Variants in UNK observed in about 807,000 individuals in gnomAD.
UNK encodes unk zinc finger.
In UNK, 32 loss-of-function variants were observed where a neutral mutation model predicts 97.6. The observed-to-expected ratio is 0.33, with a 90% confidence interval of 0.25 to 0.44. UNK has a LOEUF of 0.44. UNK is among the 20% of genes least tolerant of loss of function. UNK has a pLI of 1.00. For missense variants in UNK, 771 were observed against 1,098.4 expected (o/e 0.70, Z 4.21); for synonymous variants, 441 against 461.2 (o/e 0.96, Z 0.56).
rs775154339 is a variant in UNK, at chr17:75,822,525, G to A, written c.1886G>A (p.Ser629Asn). Residue 629 changes from serine to asparagine, a missense_variant, in exon 14 of 16, where the codon AGC (serine) becomes AAC (asparagine). Coordinates refer to ENST00000589666, the MANE Select transcript of UNK (RefSeq NM_001080419.3). ...ATCTGGGAGCATTTTGCCTCTGGAAGCTTCTCCCCGGGCACTTCCCCCGCT... is the reference window on the plus strand; with the variant it reads ...ATCTGGGAGCATTTTGCCTCTGGAAACTTCTCCCCGGGCACTTCCCCCGCT... ...SSIWEHFASG[S>N]FSPGTSPAFL... 6.2e-7 allele frequency: 1 copy of A among 1,613,558 alleles called. No individual in the cohort carries two copies. Among genetic ancestry groups the A allele is most frequent in the East Asian group, 2.2e-5 (1 of 44,896 alleles).
chr17:75,794,483 A>C (rs1226771943), intron 1 of UNK, among the ~76,000 whole-genome samples: 1 of 152,048 alleles, frequency 6.6e-6, no homozygotes, highest in East Asian at 1.9e-4. Flanking sequence ...CTAAAAATAC[A>C]AAAAACTAGC....
At chr17:75,790,567 G>C (rs2061754844) in intron 1 of UNK, among the ~76,000 whole-genome samples, 1 of 152,022 alleles carries the variant, frequency 6.6e-6, no homozygotes, top group South Asian at 2.1e-4. Context: ...GGAGATAGAG[G>C]CTACAGTGAG....
chr17:75,814,416 C>T (rs1165891173), intron 6 of UNK, among the ~76,000 whole-genome samples: 3 of 134,384 alleles, frequency 2.2e-5, no homozygotes, highest in African/African-American at 5.5e-5. Context: ...CGCTTGAACC[C>T]GGGAGGCGGA....
intron 4 of UNK, 124 bp downstream of exon 4, chr17:75,812,709 C>A: frequency 7.3e-7 from 1 of 1,376,250 alleles, no homozygotes; most frequent in South Asian, 1.5e-5. Context: ...CGCATCCCAC[C>A]CTACACCCAC....
Position 75,809,878 on chromosome 17 carries a change from A to C in UNK, c.223A>C (p.Ile75Leu). 6.2e-7 allele frequency: 1 copy of C among 1,613,876 alleles called. No homozygotes were observed. The highest frequency in any genetic ancestry group is 8.5e-7 in the Non-Finnish European group (1 of 1,179,884). ...CGTGAACCAGCGGCGCCGCCGGTCC[A>C]TCCGCCGTCGGGACGGCACCTTCAA... is the stretch of plus-strand genomic sequence containing the variant. ...HFVNQRRRRS[I>L]RRRDGTFNYS... Residue 75 changes from isoleucine to leucine, a missense_variant, in exon 2 of 16, where the codon ATC becomes CTC. Ile to Leu is a conservative substitution (Grantham distance 5). Coordinates refer to ENST00000589666, the MANE Select transcript of UNK (RefSeq NM_001080419.3).
intron 1 of UNK, among the ~76,000 whole-genome samples, chr17:75,800,867 GCTCATTGCTT>G: frequency 6.6e-6 from 1 of 152,056 alleles, no homozygotes; most frequent in Non-Finnish European, 1.5e-5. Context: ...TATATGTGAT[GCTCATTGCTT>G]CTCATTGCTG....
intron 1 of UNK, among the ~76,000 whole-genome samples, chr17:75,805,527 G>T (rs1289863417): frequency 6.6e-6 from 1 of 152,134 alleles, no homozygotes; most frequent in Non-Finnish European, 1.5e-5. Flanking sequence ...AGGTGTGGTG[G>T]CTCACACCTG....
At chr17:75,810,942 G>A (rs1266506127) in intron 2 of UNK, among the ~76,000 whole-genome samples, 1 of 151,008 alleles carries the variant, frequency 6.6e-6, no homozygotes, top group Non-Finnish European at 1.5e-5. Flanking sequence ...GGCTTCAGTT[G>A]ATTTCTTTTT....
chr17:75,811,202 C>T (rs1257390725), intron 2 of UNK, among the ~76,000 whole-genome samples: 4 of 152,182 alleles, frequency 2.6e-5, no homozygotes, highest in Non-Finnish European at 5.9e-5. Context: ...CCACCCGCCT[C>T]GGCCTCCCAC....
Position 75,816,869 on chromosome 17 carries a change from T to C in UNK, c.1061T>C (p.Val354Ala), listed in dbSNP as rs1172636263. 6.2e-7 allele frequency: 1 copy of C among 1,607,162 alleles called. No homozygotes were observed. Among genetic ancestry groups the C allele is most frequent in the Non-Finnish European group, 8.5e-7 (1 of 1,179,410 alleles). ...LYMPSAAGDS[V>A]PVSPSSPHAP... ...ATGCCATCTGCCGCCGGAGACTCGGTGCCTGTGAGCCCCTCCAGCCCGCAT... is the reference window on the plus strand; with the variant it reads ...ATGCCATCTGCCGCCGGAGACTCGGCGCCTGTGAGCCCCTCCAGCCCGCAT... Residue 354 changes from valine to alanine, a missense_variant, in exon 8 of 16, where the codon GTG becomes GCG. Val to Ala is a moderately conservative substitution (Grantham distance 64, BLOSUM62 0). This residue lies in a region of UNK where 192 missense variants were observed against 202.4 expected (regional missense o/e 0.95). Coordinates refer to ENST00000589666, the MANE Select transcript of UNK (RefSeq NM_001080419.3). The surrounding 1 kb of genome is among the most constrained non-coding windows in gnomAD (Gnocchi z 4.0).
chr17:75,788,610 C>T (rs142670798), intron 1 of UNK, among the ~76,000 whole-genome samples: 3,473 of 152,300 alleles, frequency 0.023, 150 homozygotes, highest in African/African-American at 0.079. Context: ...CCTCGGCCTC[C>T]CAAAGTGCTG....
intron 1 of UNK, among the ~76,000 whole-genome samples, chr17:75,790,589 T>C (rs989007214): frequency 3.3e-5 from 5 of 151,188 alleles, no homozygotes; most frequent in Non-Finnish European, 5.9e-5. Flanking sequence ...CAAGATTGTG[T>C]TACTGCACTC....
At chr17:75,804,912 G>A (rs1218183988) in intron 1 of UNK, among the ~76,000 whole-genome samples, 1 of 151,720 alleles carries the variant, frequency 6.6e-6, no homozygotes, top group African/African-American at 2.4e-5. Context: ...TTATATTCTT[G>A]GCCGGGTGCA....
intron 1 of UNK, among the ~76,000 whole-genome samples, chr17:75,805,037 C>T (rs1001245978): frequency 1.1e-4 from 17 of 151,334 alleles, no homozygotes; most frequent in African/African-American, 1.5e-4. Flanking sequence ...AAAAATTAGC[C>T]GGGCGTGGTG....
At chr17:75,810,569 TA>T (rs2061959721) in intron 2 of UNK, among the ~76,000 whole-genome samples, 1 of 152,232 alleles carries the variant, frequency 6.6e-6, no homozygotes, top group Non-Finnish European at 1.5e-5. Context: ...CTTTCTTTTT[TA>T]AAATTTTTAT....
At chr17:75,800,493 C>T (rs1220491848) in intron 1 of UNK, among the ~76,000 whole-genome samples, 2 of 151,712 alleles carry the variant, frequency 1.3e-5, no homozygotes, top group Admixed American at 1.3e-4. Flanking sequence ...AATCCCAGCA[C>T]TTTGGGAGGC....
At chr17:75,792,033 C>T (rs1717228109) in intron 1 of UNK, 1 of 985,310 alleles carries the variant, frequency 1.0e-6, no homozygotes, top group Admixed American at 6.2e-5. Flanking sequence ...AGGTCTCTTT[C>T]CTGTGTGTCT....
chr17:75,807,879 G>A (rs886181526), intron 1 of UNK, among the ~76,000 whole-genome samples: 2 of 152,124 alleles, frequency 1.3e-5, no homozygotes, highest in African/African-American at 4.8e-5. Context: ...ATGAGCCACC[G>A]TGCCTGACCA....
intron 13 of UNK, 63 bp downstream of exon 13, chr17:75,820,171 C>T: frequency 6.6e-7 from 1 of 1,512,284 alleles, no homozygotes; most frequent in Non-Finnish European, 9.0e-7. Context: ...TAGGAGGTGC[C>T]TCTGGCCACC....
Sources: gnomAD v4.1 joint callset for allele counts (sites outside exome capture counted in the v4.1 genomes callset) on GRCh38, gnomAD v4.1.1 for gene constraint, gnomAD v4.1.1 regional missense constraint, Gnocchi (gnomAD v3.1) non-coding constraint, MANE v1.5 for transcripts, NCBI Gene and HGNC (gene_info 2026-07-23, HGNC 2026-07-21) for gene names.